The following PLD5 variants were observed in gnomAD, a reference collection of about 807,000 sequenced individuals.
PLD5 encodes the protein phospholipase D family member 5.
A neutral mutation model predicts 61.1 loss-of-function variants in PLD5; 36 were observed. The observed-to-expected ratio is 0.59, with a 90% CI of 0.45 to 0.78. The LOEUF is 0.78. PLD5 is among the 30% of genes least tolerant of loss of function. The probability of loss-of-function intolerance (pLI) is 0.00; values close to 1 mark genes in which losing one functional copy is unlikely to be tolerated. For synonymous variants in PLD5, 243 were observed against 242.8 expected (o/e 1.00, Z -0.01); for missense variants, 515 against 644.4 (o/e 0.80, Z 2.17).
intron 5 of PLD5, among the ~76,000 whole-genome samples, chr1:242,161,730 T>G (rs549329250): frequency 6.6e-5 from 10 of 152,112 alleles, no homozygotes; most frequent in Non-Finnish European, 1.3e-4. Flanking sequence ...GTGGTGAAGA[T>G]CTCGTCCAGA....
intron 1 of PLD5, among the ~76,000 whole-genome samples, chr1:242,486,992 A>T (rs1446786193): frequency 6.6e-6 from 1 of 152,092 alleles, no homozygotes; most frequent in Non-Finnish European, 1.5e-5. Flanking sequence ...GTTCTCACTC[A>T]TAGGTGGGAA....
At chr1:242,509,772 G>A (rs542563000) in intron 1 of PLD5, among the ~76,000 whole-genome samples, 21 of 152,168 alleles carry the variant, frequency 1.4e-4, no homozygotes, top group Non-Finnish European at 1.9e-4. Flanking sequence ...CCACCAATAC[G>A]CCAACACTCT....
intron 1 of PLD5, among the ~76,000 whole-genome samples, chr1:242,397,784 CT>C (rs749006053): frequency 3.2e-3 from 240 of 74,478 alleles, no homozygotes; most frequent in East Asian, 4.7e-3. Flanking sequence ...TCTTCTTCTT[CT>C]TTTTTTTTTT....
intron 1 of PLD5, among the ~76,000 whole-genome samples, chr1:242,362,075 A>T (rs1661100516): frequency 1.3e-5 from 2 of 152,028 alleles, no homozygotes; most frequent in African/African-American, 2.4e-5. Context: ...TACAAAAATT[A>T]TCCAAAAATT....
At chr1:242,122,911 T>G (rs1662495576) in intron 6 of PLD5, among the ~76,000 whole-genome samples, 1 of 152,216 alleles carries the variant, frequency 6.6e-6, no homozygotes, top group South Asian at 2.1e-4. Flanking sequence ...AAAAAGTTGT[T>G]GGCATAAAAG....
chr1:242,160,026 GAGAT>G (rs1388557839), intron 5 of PLD5, among the ~76,000 whole-genome samples: 1 of 147,056 alleles, frequency 6.8e-6, no homozygotes, highest in Non-Finnish European at 1.5e-5. Context: ...ATTTTTTTTT[GAGAT>G]AGATAGGGTC....
chr1:242,117,512 G>T (rs1001519252), intron 6 of PLD5, among the ~76,000 whole-genome samples: 2 of 151,888 alleles, frequency 1.3e-5, no homozygotes, highest in Non-Finnish European at 2.9e-5. Flanking sequence ...CTCCTGAGTA[G>T]CTGGGATTAT....
intron 5 of PLD5, among the ~76,000 whole-genome samples, chr1:242,149,824 C>T (rs1156711786): frequency 9.2e-5 from 14 of 151,358 alleles, no homozygotes; most frequent in Admixed American, 9.2e-4. Flanking sequence ...TAGTGATGTC[C>T]CTTCTTGTAT....
rs192256130 is a variant in PLD5, at chr1:242,432,364, C to T, written c.190-84122G>A. ...ATTGGAAATCAAAGGAGAAAACGAG[C>T]TTAGACAAGGCTACAGGCGAGGCTG... On this transcript the variant is annotated intron_variant, in intron 1 of 9. Transcript: ENST00000536534. Among the ~76,000 whole-genome samples the T allele has an allele frequency of 3.3e-3, 501 of 152,300 alleles. 3 individuals carry two copies. The highest frequency in any genetic ancestry group is 0.011 in the African/African-American group (455 of 41,558).
chr1:242,404,477 T>G (rs1664114952), intron 1 of PLD5, among the ~76,000 whole-genome samples: 1 of 152,080 alleles, frequency 6.6e-6, no homozygotes, highest in South Asian at 2.1e-4. Flanking sequence ...CTAGCTGGCT[T>G]CCATGTAGTG....
chr1:242,488,781 G>A (rs1572231614), intron 1 of PLD5, among the ~76,000 whole-genome samples: 1 of 152,258 alleles, frequency 6.6e-6, no homozygotes, highest in Middle Eastern at 3.4e-3. Flanking sequence ...TACAACATTA[G>A]TGTAACACAC....
intron 4 of PLD5, among the ~76,000 whole-genome samples, chr1:242,238,571 A>G (rs55928962): frequency 0.021 from 3,197 of 152,340 alleles, 47 homozygotes; most frequent in Middle Eastern, 0.048. Flanking sequence ...AAGAATGAGA[A>G]GCTTTGAAAA....
upstream of PLD5, among the ~76,000 whole-genome samples, chr1:242,528,127 A>G (rs1046528679): frequency 1.1e-4 from 16 of 152,224 alleles, no homozygotes; most frequent in Non-Finnish European, 2.1e-4. Context: ...TGACATTACA[A>G]TATTTAGATT....
chr1:242,431,246 A>G (rs1203000696), intron 1 of PLD5, among the ~76,000 whole-genome samples: 1 of 152,236 alleles, frequency 6.6e-6, no homozygotes, highest in African/African-American at 2.4e-5. Flanking sequence ...TTCTTCAAAG[A>G]AACAGTTTTG....
At chr1:242,406,828 T>C (rs2149284158) in intron 1 of PLD5, among the ~76,000 whole-genome samples, 1 of 152,316 alleles carries the variant, frequency 6.6e-6, no homozygotes, top group East Asian at 1.9e-4. Flanking sequence ...TGGTTAGCTA[T>C]CAAATAAAAG....
chr1:242,201,914 A>G (rs1253289820), intron 5 of PLD5, among the ~76,000 whole-genome samples: 4 of 152,160 alleles, frequency 2.6e-5, no homozygotes, highest in Non-Finnish European at 2.9e-5. Context: ...ACTATGCCCA[A>G]CATAAAAAGT....
intron 2 of PLD5, among the ~76,000 whole-genome samples, chr1:242,336,012 C>T (rs1659480366): frequency 6.6e-6 from 1 of 152,112 alleles, no homozygotes; most frequent in Non-Finnish European, 1.5e-5. Context: ...CCATATTTCT[C>T]CTATGTATGC....
At chr1:242,293,708 A>C (rs1387625120) in intron 2 of PLD5, among the ~76,000 whole-genome samples, 1 of 152,152 alleles carries the variant, frequency 6.6e-6, no homozygotes, top group Non-Finnish European at 1.5e-5. Context: ...AAATAGAGGC[A>C]GCACTCAAGG....
chr1:242,520,973 T>G (rs1396276220), intron 1 of PLD5, among the ~76,000 whole-genome samples: 1 of 152,182 alleles, frequency 6.6e-6, no homozygotes, highest in African/African-American at 2.4e-5. Flanking sequence ...CTTCCAAAGC[T>G]CTGGACATTA....
Sources: allele counts gnomAD v4.1 joint callset (sites outside exome capture counted in the v4.1 genomes callset), GRCh38; gene constraint gnomAD v4.1.1; transcripts MANE v1.5; gene names NCBI Gene and HGNC (gene_info 2026-07-23, HGNC 2026-07-21).